The following TGFA variants were observed in gnomAD, a reference collection of about 807,000 sequenced individuals.
TGFA encodes protransforming growth factor alpha.
Under a neutral mutation model 21.7 loss-of-function variants are expected in TGFA, and 12 were observed. The ratio of observed to expected loss-of-function variants is 0.55; its 90% CI spans 0.35 to 0.90. TGFA has a LOEUF of 0.90. TGFA is among the 40% of genes least tolerant of loss of function. The probability of loss-of-function intolerance (pLI) is 0.01; values close to 1 mark genes in which losing one functional copy is unlikely to be tolerated. For missense variants in TGFA, 178 were observed against 210.8 expected (o/e 0.84, Z 0.96); for synonymous variants, 79 against 88.1 (o/e 0.90, Z 0.58).
intron 2 of TGFA, among the ~76,000 whole-genome samples, chr2:70,504,479 T>C (rs6711159): frequency 0.039 from 3,419 of 86,890 alleles, 247 homozygotes; most frequent in African/African-American, 0.17. Flanking sequence ...CATACATACA[T>C]ACATACACAC....
At chr2:70,476,996 TA>T (rs1670954871) in intron 2 of TGFA, among the ~76,000 whole-genome samples, 1 of 152,184 alleles carries the variant, frequency 6.6e-6, no homozygotes, top group Admixed American at 6.5e-5. Flanking sequence ...TATTTTTTTT[TA>T]TAAATTTTCG....
At chr2:70,540,429 G>A (rs1390206378) in intron 1 of TGFA, among the ~76,000 whole-genome samples, 2 of 152,320 alleles carry the variant, frequency 1.3e-5, no homozygotes, top group South Asian at 2.1e-4. Flanking sequence ...TGAGATCAGT[G>A]AGTGGAGAAT....
At chr2:70,455,936 A>C (rs1670214665) in intron 4 of TGFA, among the ~76,000 whole-genome samples, 2 of 152,256 alleles carry the variant, frequency 1.3e-5, no homozygotes, top group Admixed American at 1.3e-4. Flanking sequence ...GGCCCTCGAC[A>C]TGTATTTGCA....
chr2:70,470,478 G>A (rs371758602), intron 2 of TGFA, among the ~76,000 whole-genome samples: 2 of 152,186 alleles, frequency 1.3e-5, no homozygotes, highest in African/African-American at 2.4e-5. Context: ...GGAGAGCAAC[G>A]GTCAGAGAGC....
chr2:70,552,729 T>G (rs1673551161), intron 1 of TGFA, among the ~76,000 whole-genome samples: 1 of 152,160 alleles, frequency 6.6e-6, no homozygotes, highest in Non-Finnish European at 1.5e-5. Context: ...GGGGAGGAGT[T>G]CCATGGCTTT....
chr2:70,473,989 G>A lies in TGFA; in HGVS notation c.95-8253C>T, dbSNP rs116476195. Reference sequence around the variant, plus strand: ...CACAATTTACTGAGAGAACTCCTATGCTTAAAAGAGAACATATTTTTCCTA... The same window carrying A: ...CACAATTTACTGAGAGAACTCCTATACTTAAAAGAGAACATATTTTTCCTA... On this transcript the variant is annotated intron_variant, in intron 2 of 5. Coordinates refer to ENST00000295400, the MANE Select transcript of TGFA (RefSeq NM_003236.4). Among the ~76,000 whole-genome samples the A allele has an allele frequency of 9.8e-3, 1,487 of 152,228 alleles. 18 individuals are homozygous for A. Among genetic ancestry groups the A allele is most frequent in the African/African-American group, 0.032 (1,346 of 41,546 alleles).
At chr2:70,518,214 C>T (rs1202335474) in intron 1 of TGFA, among the ~76,000 whole-genome samples, 3 of 152,232 alleles carry the variant, frequency 2.0e-5, no homozygotes, top group Admixed American at 2.0e-4. Context: ...GGAATCCCTT[C>T]TAGGCCACTC....
intron 1 of TGFA, among the ~76,000 whole-genome samples, chr2:70,545,584 C>T (rs1251548147): frequency 2.0e-5 from 3 of 152,012 alleles, no homozygotes; most frequent in Non-Finnish European, 4.4e-5. Context: ...TTACATCTCA[C>T]AACATACCCT....
At chr2:70,513,342 G>T (rs782415264) in intron 2 of TGFA, among the ~76,000 whole-genome samples, 2 of 152,266 alleles carry the variant, frequency 1.3e-5, no homozygotes, top group East Asian at 3.9e-4. Context: ...GCATGGTGAA[G>T]TTACTAAGCT....
At chr2:70,520,500 C>T (rs376983533) in intron 1 of TGFA, among the ~76,000 whole-genome samples, 8 of 150,772 alleles carry the variant, frequency 5.3e-5, no homozygotes, top group South Asian at 4.2e-4. Flanking sequence ...GGTGACAGAG[C>T]GAGACTCCCA....
intron 2 of TGFA, among the ~76,000 whole-genome samples, chr2:70,468,778 G>T (rs782158553): frequency 3.9e-5 from 6 of 152,164 alleles, no homozygotes; most frequent in Admixed American, 6.5e-5. Flanking sequence ...GGACTGTCTA[G>T]TTGCAGAGAA....
intron 2 of TGFA, among the ~76,000 whole-genome samples, chr2:70,471,627 C>T (rs3821268): frequency 2.0e-5 from 3 of 151,948 alleles, no homozygotes; most frequent in Non-Finnish European, 4.4e-5. Flanking sequence ...CAAGGCTATT[C>T]CTATGAGAGG....
At chr2:70,492,077 A>G (rs1671453831) in intron 2 of TGFA, among the ~76,000 whole-genome samples, 2 of 152,208 alleles carry the variant, frequency 1.3e-5, no homozygotes, top group South Asian at 4.1e-4. Flanking sequence ...GACCTGCATG[A>G]GGTCTAAGAT....
intron 1 of TGFA, among the ~76,000 whole-genome samples, chr2:70,545,932 A>T (rs1034104881): frequency 3.9e-5 from 6 of 152,272 alleles, no homozygotes; most frequent in South Asian, 2.1e-4. Flanking sequence ...TAAGAAAAAA[A>T]TTTTTAAAGG....
At chr2:70,513,477 G>A in intron 2 of TGFA, among the ~76,000 whole-genome samples, 1 of 152,192 alleles carries the variant, frequency 6.6e-6, no homozygotes, top group East Asian at 1.9e-4. Context: ...CTGTTTTGAG[G>A]TGGACACACT....
intron 2 of TGFA, among the ~76,000 whole-genome samples, chr2:70,474,944 T>C (rs1337124710): frequency 6.6e-6 from 1 of 151,326 alleles, no homozygotes; most frequent in Non-Finnish European, 1.5e-5. Context: ...CCTACAAAGA[T>C]ACTGGTTATT....
At chr2:70,545,144 C>A (rs1402961887) in intron 1 of TGFA, among the ~76,000 whole-genome samples, 2 of 151,614 alleles carry the variant, frequency 1.3e-5, no homozygotes, top group African/African-American at 4.9e-5. Context: ...AATATATATA[C>A]CTACTATGTA....
At chr2:70,459,234 A>G (rs778879677) in intron 3 of TGFA, among the ~76,000 whole-genome samples, 6 of 152,318 alleles carry the variant, frequency 3.9e-5, no homozygotes, top group African/African-American at 7.2e-5. Flanking sequence ...GGAGACCCCA[A>G]TACATTTCAT....
chr2:70,451,874 G>A (rs1670070634), intron 5 of TGFA: 4 of 641,418 alleles, frequency 6.2e-6, no homozygotes, highest in Admixed American at 2.8e-5. Context: ...TACCCACATC[G>A]CTCATGAGCC....
Sources: gnomAD v4.1 joint callset for allele counts (sites outside exome capture counted in the v4.1 genomes callset) on GRCh38, gnomAD v4.1.1 for gene constraint, MANE v1.5 for transcripts, NCBI Gene and HGNC (gene_info 2026-07-23, HGNC 2026-07-21) for gene names.